The following DCDC1 variants were observed in gnomAD, a reference collection of about 807,000 sequenced individuals.
DCDC1 encodes the protein doublecortin domain-containing protein 1.
DCDC1 carries 200 observed loss-of-function variants against 178.3 expected under a neutral mutation model. That is an observed-to-expected ratio of 1.12 (90% CI 1.00 to 1.26). DCDC1 has a LOEUF of 1.26. DCDC1 is among the 50% of genes most tolerant of loss of function. The probability of loss-of-function intolerance (pLI) is 0.00; values close to 1 mark genes in which losing one functional copy is unlikely to be tolerated. For missense variants in DCDC1, 1,983 were observed against 1,749.2 expected (o/e 1.13, Z -2.38); for synonymous variants, 690 against 604.8 (o/e 1.14, Z -2.07).
chr11:31,065,605 T>C (rs1956202222), intron 18 of DCDC1, among the ~76,000 whole-genome samples: 1 of 152,164 alleles, frequency 6.6e-6, no homozygotes, highest in Non-Finnish European at 1.5e-5. Context: ...GATAGTAACC[T>C]GAGAAGTGTC....
chr11:30,889,935 G>A (rs1009616090), intron 36 of DCDC1, among the ~76,000 whole-genome samples: 4 of 152,120 alleles, frequency 2.6e-5, no homozygotes, highest in African/African-American at 9.7e-5. Flanking sequence ...GGTAATTAAG[G>A]TTAAATAAAG....
intron 21 of DCDC1, chr11:30,943,491 A>C: frequency 5.9e-6 from 2 of 337,478 alleles, no homozygotes; most frequent in South Asian, 5.0e-5. Context: ...TAAAATAACT[A>C]TCCAACAGCT....
intron 9 of DCDC1, among the ~76,000 whole-genome samples, chr11:31,220,781 C>T (rs940582736): frequency 6.6e-6 from 1 of 152,154 alleles, no homozygotes. Context: ...GCTTAAACAA[C>T]AGCAATTTAT....
chr11:30,959,435 C>T (rs887679196), intron 20 of DCDC1, among the ~76,000 whole-genome samples: 1 of 152,078 alleles, frequency 6.6e-6, no homozygotes, highest in African/African-American at 2.4e-5. Flanking sequence ...GTAGTCACTT[C>T]GTCTTCTACC....
intron 9 of DCDC1, among the ~76,000 whole-genome samples, chr11:31,195,373 T>C (rs1970579779): frequency 6.6e-6 from 1 of 152,038 alleles, no homozygotes. Flanking sequence ...AAAGCAAAAA[T>C]GCAATTATTC....
At chr11:30,925,208 A>G in intron 23 of DCDC1, 101 bp downstream of exon 23, 1 of 1,007,420 alleles carries the variant, frequency 9.9e-7, no homozygotes, top group East Asian at 2.4e-5. Context: ...AGAAAATAAG[A>G]ATTAAAATGG....
At chr11:31,115,984 G>C (rs894590237) in intron 11 of DCDC1, among the ~76,000 whole-genome samples, 1 of 111,812 alleles carries the variant, frequency 8.9e-6, no homozygotes, top group Non-Finnish European at 1.7e-5. Context: ...GTGGCAGTGG[G>C]GGGGGGGGGG....
intron 20 of DCDC1, among the ~76,000 whole-genome samples, chr11:30,970,839 C>T (rs768895194): frequency 2.0e-5 from 3 of 152,220 alleles, no homozygotes; most frequent in Non-Finnish European, 2.9e-5. Flanking sequence ...TCTGCATGCA[C>T]CATAGGGGAC....
At position 31,353,446 on chromosome 11, in the gene DCDC1, T is replaced by A. The variant is rs17326693; in HGVS notation, c.-125+16251A>T. Among the ~76,000 whole-genome samples, 590 of 152,336 alleles carry A rather than the reference T, an allele frequency of 3.9e-3. 3 individuals are homozygous for A. The highest frequency in any genetic ancestry group is 1.0e-2 in the South Asian group (48 of 4,824). ...AGTATAAAATGGTTCCAACAGATGG[T>A]ATCCATTTGATAATAAACCACATGG... On this transcript the variant is annotated intron_variant, in intron 1 of 38. Coordinates refer to ENST00000684477, the MANE Select transcript of DCDC1 (RefSeq NM_001387274.1).
Position 30,900,405 on chromosome 11 carries a change from A to G in DCDC1, c.4604T>C (p.Ile1535Thr). 1 of 1,582,400 alleles carries G rather than the reference A, an allele frequency of 6.3e-7. No individual in the cohort carries two copies. The highest frequency in any genetic ancestry group is 8.6e-7 in the Non-Finnish European group (1 of 1,163,568). The change falls in exon 33 of 39, where the codon ATC (isoleucine) becomes ACC (threonine). Residue 1535 changes from isoleucine to threonine, a missense_variant. Transcript: ENST00000684477. ...DGIDKSLLTL[I>T]LRNPIAIWVS... Reference sequence around the variant, plus strand: ...CCAGATGGCAATAGGATTTCTGAGGATGAGGGTAAGCAAAGACTTGTCTAT... The same window carrying G: ...CCAGATGGCAATAGGATTTCTGAGGGTGAGGGTAAGCAAAGACTTGTCTAT...
chr11:31,127,541 G>A lies in DCDC1; in HGVS notation c.1413C>T (p.Phe471=), dbSNP rs760160549. 4 of 702,768 alleles carry A rather than the reference G, an allele frequency of 5.7e-6. No homozygotes were observed. The South Asian group carries it at 5.9e-5, about 10-fold the overall frequency. 43.5% of individuals were successfully genotyped at this position (702,768 alleles called of 1,614,324 possible). A position where few individuals can be genotyped will look rare whatever the true frequency, so the allele number is the denominator to read the frequency against. Residue 471 remains phenylalanine, a synonymous_variant, in exon 11 of 39, where the codon TTC becomes TTT. Coordinates refer to ENST00000684477, the MANE Select transcript of DCDC1 (RefSeq NM_001387274.1). ...GPQLQAEQEQ[F]SSYVYQHIKS... ...TAATGTGTTGGTAGACATAAGAGGA[G>A]AATTGCTCCTGCTCAGCCTGTAATT... is the stretch of plus-strand genomic sequence containing the variant.
intron 10 of DCDC1, among the ~76,000 whole-genome samples, chr11:31,135,109 A>G (rs1251773840): frequency 6.6e-6 from 1 of 152,250 alleles, no homozygotes; most frequent in Non-Finnish European, 1.5e-5. Flanking sequence ...GTGGAAAATT[A>G]TGTGAAATGA....
At chr11:31,157,521 A>C (rs940015423) in intron 9 of DCDC1, among the ~76,000 whole-genome samples, 1 of 151,658 alleles carries the variant, frequency 6.6e-6, no homozygotes, top group Non-Finnish European at 1.5e-5. Flanking sequence ...AGGGAAGAAA[A>C]TTCTGATATA....
chr11:31,165,049 T>C (rs1487533093), intron 9 of DCDC1, among the ~76,000 whole-genome samples: 1 of 152,194 alleles, frequency 6.6e-6, no homozygotes, highest in Non-Finnish European at 1.5e-5. Flanking sequence ...TACAGGTTTG[T>C]AGCCTAGGAG....
At chr11:31,231,863 T>A (rs1439010655) in intron 9 of DCDC1, among the ~76,000 whole-genome samples, 1 of 152,198 alleles carries the variant, frequency 6.6e-6, no homozygotes, top group Non-Finnish European at 1.5e-5. Context: ...TTAAACAAAA[T>A]AAGGAAAACA....
chr11:31,322,735 A>G (rs966526963), intron 3 of DCDC1, among the ~76,000 whole-genome samples: 2 of 152,200 alleles, frequency 1.3e-5, no homozygotes, highest in East Asian at 3.8e-4. Flanking sequence ...AATGAGCCAG[A>G]CTTTTTGATA....
intron 20 of DCDC1, among the ~76,000 whole-genome samples, chr11:30,971,096 C>T (rs1253884235): frequency 2.0e-5 from 3 of 152,198 alleles, no homozygotes; most frequent in Non-Finnish European, 2.9e-5. Flanking sequence ...TCCTAATCCA[C>T]TGAGGAAATC....
intron 9 of DCDC1, among the ~76,000 whole-genome samples, chr11:31,236,364 C>T (rs188594168): frequency 3.3e-5 from 5 of 152,094 alleles, no homozygotes; most frequent in African/African-American, 4.8e-5. Context: ...TGTAATGAAG[C>T]AGAAGTTATT....
In DCDC1 at chr11:30,952,554, T is replaced by C. The variant is rs745856307; in HGVS notation, c.2606A>G (p.His869Arg). 4 of 1,442,212 alleles carry C rather than the reference T, an allele frequency of 2.8e-6. No individual in the cohort carries two copies. The highest frequency in any genetic ancestry group is 3.8e-6 in the Non-Finnish European group (4 of 1,046,108). The allele number at this position is 1,442,212 out of a possible 1,614,324, so 89.3% of individuals were successfully genotyped here. The change falls in exon 21 of 39, where the codon CAT becomes CGT. Residue 869 changes from histidine to arginine, a missense_variant. His to Arg is a conservative substitution (Grantham distance 29). Transcript: ENST00000684477. ...CTGGCCTGGCTTACTGGTTCCTTCA[T>C]GTTTTATGGCCCACCTAAAACAAAA... ...KASAQRWAIKHEGTSKPGQWK... is the reference protein window; with the variant it reads ...KASAQRWAIKREGTSKPGQWK...
Sources: gnomAD v4.1 joint callset for allele counts (sites outside exome capture counted in the v4.1 genomes callset) on GRCh38, gnomAD v4.1.1 for gene constraint, MANE v1.5 for transcripts, NCBI Gene and HGNC (gene_info 2026-07-23, HGNC 2026-07-21) for gene names.